Variants in TMEM52B observed in about 807,000 individuals in gnomAD.
TMEM52B encodes the protein chromosome 12 open reading frame 59.
Under a neutral mutation model 16.1 loss-of-function variants are expected in TMEM52B, and 11 were observed. That is an observed-to-expected ratio of 0.68 (90% CI 0.43 to 1.13). TMEM52B has a LOEUF of 1.13. TMEM52B is among the 50% of genes most tolerant of loss of function. TMEM52B has a pLI of 0.00. For missense variants in TMEM52B, 243 were observed against 230.4 expected (o/e 1.05, Z -0.35); for synonymous variants, 101 against 93.8 (o/e 1.08, Z -0.45).
At chr12:10,180,074 A>T (rs1414438772) in intron 1 of TMEM52B, among the ~76,000 whole-genome samples, 2 of 152,174 alleles carry the variant, frequency 1.3e-5, no homozygotes, top group African/African-American at 4.8e-5. Flanking sequence ...CTCTTTTAAA[A>T]TATTTTGGGC....
intron 1 of TMEM52B, among the ~76,000 whole-genome samples, chr12:10,181,869 A>T: frequency 6.6e-6 from 1 of 151,200 alleles, no homozygotes; most frequent in East Asian, 2.0e-4. Flanking sequence ...TCTACTAAAA[A>T]TACAAAAATT....
intron 3 of TMEM52B, among the ~76,000 whole-genome samples, 175 bp from the exon 4 acceptor site, chr12:10,186,245 G>A (rs1272491021): frequency 1.3e-5 from 2 of 152,074 alleles, no homozygotes; most frequent in African/African-American, 2.4e-5. Flanking sequence ...ACAAAATAAG[G>A]AGGTGTATCT....
chr12:10,188,400 A>G (rs1279381667), intron 4 of TMEM52B, among the ~76,000 whole-genome samples: 1 of 151,818 alleles, frequency 6.6e-6, no homozygotes, highest in Non-Finnish European at 1.5e-5. Context: ...CGGAGGTTTC[A>G]GTGAGCCGAG....
intron 1 of TMEM52B, among the ~76,000 whole-genome samples, chr12:10,173,545 TGA>T (rs1591985879): frequency 1.7e-5 from 2 of 118,454 alleles, no homozygotes; most frequent in East Asian, 6.0e-4. Flanking sequence ...TTTGGGAAGC[TGA>T]GGGGGGGGGT....
At chr12:10,182,225 C>A in intron 1 of TMEM52B, 1 of 985,000 alleles carries the variant, frequency 1.0e-6, no homozygotes, top group Non-Finnish European at 1.2e-6. Flanking sequence ...AGGACAATGG[C>A]AATATCCCAA....
chr12:10,188,379 A>G (rs1001584459), intron 4 of TMEM52B, among the ~76,000 whole-genome samples: 2 of 151,598 alleles, frequency 1.3e-5, no homozygotes, highest in Non-Finnish European at 2.9e-5. Flanking sequence ...GAATCATTTG[A>G]GCCCAGGAGG....
chr12:10,178,758 G>A (rs1948789541), upstream of TMEM52B, among the ~76,000 whole-genome samples: 1 of 152,230 alleles, frequency 6.6e-6, no homozygotes, highest in South Asian at 2.1e-4. Flanking sequence ...GTCTTTCTCA[G>A]TTATCTATTT....
upstream of TMEM52B, among the ~76,000 whole-genome samples, chr12:10,175,125 A>G (rs569402293): frequency 6.6e-6 from 1 of 152,250 alleles, no homozygotes; most frequent in South Asian, 2.1e-4. Context: ...GATCTTGTGT[A>G]ATCCTTCCCC....
At chr12:10,180,515 G>A (rs1304522396) in intron 1 of TMEM52B, among the ~76,000 whole-genome samples, 5 of 152,116 alleles carry the variant, frequency 3.3e-5, no homozygotes, top group African/African-American at 9.7e-5. Context: ...GGAAACACAC[G>A]CTTTTTCATC....
At chr12:10,184,034 C>T (rs561335157) in intron 2 of TMEM52B, among the ~76,000 whole-genome samples, 6 of 152,192 alleles carry the variant, frequency 3.9e-5, no homozygotes, top group Non-Finnish European at 8.8e-5. Context: ...CCCTCAACAT[C>T]CAAGGAAAGT....
intron 1 of TMEM52B, among the ~76,000 whole-genome samples, chr12:10,172,937 T>C (rs1251473584): frequency 6.6e-6 from 1 of 152,176 alleles, no homozygotes; most frequent in East Asian, 1.9e-4. Flanking sequence ...TTTTTTACAC[T>C]AGGTTTGTGA....
intron 4 of TMEM52B, among the ~76,000 whole-genome samples, chr12:10,188,352 G>C (rs539512160): frequency 6.6e-6 from 1 of 151,396 alleles, no homozygotes; most frequent in Non-Finnish European, 1.5e-5. Flanking sequence ...CCAGCTACTC[G>C]GGAGGCTGAG....
At chr12:10,174,886 TA>T (rs1393677436), upstream of TMEM52B, among the ~76,000 whole-genome samples, 1 of 152,262 alleles carries the variant, frequency 6.6e-6, no homozygotes, top group African/African-American at 2.4e-5. Context: ...CTTCAACAAT[TA>T]TCAATGTGGT....
At chr12:10,178,893 C>T (rs1482065612), upstream of TMEM52B, 1 of 152,196 alleles carries the variant, frequency 6.6e-6, no homozygotes, top group Non-Finnish European at 1.5e-5. Flanking sequence ...TTCCTGTTCA[C>T]TTGGCAACCT....
chr12:10,186,621 G>A, intron 4 of TMEM52B, 32 bp downstream of exon 4: 2 of 1,507,754 alleles, frequency 1.3e-6, no homozygotes, highest in Non-Finnish European at 1.8e-6. Flanking sequence ...CCTGGGAGGA[G>A]GACCCAATTT....
In TMEM52B at chr12:10,173,551, G is replaced by A. The variant is rs35566137; in HGVS notation, c.-95+2700G>A. ...TCTCAGCACTTTGGGAAGCTGAGGG[G>A]GGGGGTGGATCACTGAGGTCAGGAG... On this transcript the variant is annotated intron_variant, in intron 1 of 5. Transcript: ENST00000381923. 4.6e-5 allele frequency among the ~76,000 whole-genome samples: 7 copies of A among 151,826 alleles called. No individual in the cohort carries two copies. The South Asian group carries it at 8.3e-4, about 18-fold the overall frequency.
At chr12:10,185,135 T>C (rs191217968) in intron 2 of TMEM52B, among the ~76,000 whole-genome samples, 195 bp from the exon 3 acceptor site, 1 of 152,378 alleles carries the variant, frequency 6.6e-6, no homozygotes, top group Admixed American at 6.5e-5. Flanking sequence ...ATGCCATCTA[T>C]AGTATAAAGT....
upstream of TMEM52B, among the ~76,000 whole-genome samples, chr12:10,178,343 C>T (rs1439860307): frequency 3.3e-5 from 5 of 151,654 alleles, no homozygotes; most frequent in East Asian, 2.0e-4. Context: ...GGTGAAACCC[C>T]GTCTCGTCTC....
Position 10,179,414 on chromosome 12 carries a change from G to A in TMEM52B, c.-161G>A. On this transcript the variant is annotated 5_prime_UTR_variant, in exon 1 of 5. Coordinates refer to ENST00000543484, the MANE Select transcript of TMEM52B (RefSeq NM_001384896.1). Reference sequence around the variant, plus strand: ...TAGAAAATAACAGCCAGAGCGAGTAGGAGGAGACAGAGAGAACGAGAGAGA... The same window carrying A: ...TAGAAAATAACAGCCAGAGCGAGTAAGAGGAGACAGAGAGAACGAGAGAGA... 1.4e-6 allele frequency: 1 copy of A among 728,938 alleles called. No homozygotes were observed. Among genetic ancestry groups the A allele is most frequent in the Admixed American group, 2.1e-5 (1 of 47,650 alleles). 45.2% of individuals were successfully genotyped at this position (728,938 alleles called of 1,614,324 possible). A position where few individuals can be genotyped will look rare whatever the true frequency, so the allele number is the denominator to read the frequency against.
Sources: gnomAD v4.1 joint callset for allele counts (sites outside exome capture counted in the v4.1 genomes callset) on GRCh38, gnomAD v4.1.1 for gene constraint, MANE v1.5 for transcripts, NCBI Gene and HGNC (gene_info 2026-07-23, HGNC 2026-07-21) for gene names.